The following CTTNBP2 variants were observed in gnomAD, a reference collection of about 807,000 sequenced individuals.
The protein encoded by CTTNBP2 is cortactin-binding protein 2.
Under a neutral mutation model 156.9 loss-of-function variants are expected in CTTNBP2, and 108 were observed. The observed-to-expected ratio is 0.69, with a 90% CI of 0.59 to 0.81. The LOEUF (loss-of-function observed/expected upper bound fraction) is 0.81, where lower values mean the gene tolerates loss of function less well. Among genes scored for constraint, CTTNBP2 ranks in the 30% least tolerant of loss-of-function variants. The pLI is 0.00. For synonymous variants in CTTNBP2, 767 were observed against 751.8 expected (o/e 1.02, Z -0.33); for missense variants, 1,924 against 2,035.4 (o/e 0.95, Z 1.05).
intron 2 of CTTNBP2, among the ~76,000 whole-genome samples, chr7:117,859,402 T>C (rs966643378): frequency 1.3e-5 from 2 of 152,198 alleles, no homozygotes; most frequent in East Asian, 1.9e-4. Context: ...AGGTGATACA[T>C]AAAAACACAG....
intron 2 of CTTNBP2, among the ~76,000 whole-genome samples, chr7:117,844,051 A>G (rs1369584962): frequency 3.9e-5 from 3 of 77,640 alleles, no homozygotes; most frequent in Non-Finnish European, 7.2e-5. Context: ...GCAGAAACGA[A>G]GAGAGAGAGA....
At position 117,861,211 on chromosome 7, in the gene CTTNBP2, G is replaced by A. The variant is rs752206807; in HGVS notation, c.187C>T (p.Arg63Trp). The stretch of plus-strand genomic sequence containing the variant: ...ACCCACTCCTGTGTCGTCCTTACCC[G>A]CAGGGCCTCGATGACAAGGTCTCTG... ...EARDLVIEAL[R>W]ARRKEVFIQE... Residue 63 changes from arginine (R) to tryptophan (W), a missense_variant and splice_region_variant, in exon 2 of 23, where the codon CGG (arginine) becomes TGG (tryptophan). By Grantham distance (101) the Arg-to-Trp change is moderately radical. Coordinates refer to ENST00000160373, the MANE Select transcript of CTTNBP2 (RefSeq NM_033427.3). 18 of 1,604,710 alleles carry A rather than the reference G, an allele frequency of 1.1e-5. No homozygotes were observed. Among genetic ancestry groups the A allele is most frequent in the Admixed American group, 3.3e-5 (2 of 59,816 alleles).
chr7:117,865,194 G>A (rs1244931021), intron 1 of CTTNBP2, among the ~76,000 whole-genome samples: 4 of 151,542 alleles, frequency 2.6e-5, no homozygotes, highest in Non-Finnish European at 4.4e-5. Context: ...AAAAAATTAA[G>A]GTCTCTATCA....
intron 2 of CTTNBP2, among the ~76,000 whole-genome samples, chr7:117,827,913 G>A (rs371075523): frequency 1.3e-4 from 20 of 152,290 alleles, no homozygotes; most frequent in South Asian, 6.2e-4. Flanking sequence ...CATTAAGAGC[G>A]AATGGTGGGG....
intron 21 of CTTNBP2, among the ~76,000 whole-genome samples, chr7:117,718,573 T>C (rs1794596286): frequency 6.6e-6 from 1 of 152,202 alleles, no homozygotes; most frequent in African/African-American, 2.4e-5. Context: ...CAGCCACTCA[T>C]AAGGCATCTA....
At chr7:117,752,324 T>G (rs1263179519) in intron 12 of CTTNBP2, among the ~76,000 whole-genome samples, 1 of 152,132 alleles carries the variant, frequency 6.6e-6, no homozygotes, top group Non-Finnish European at 1.5e-5. Context: ...TTTTCTAATA[T>G]CATAATTACT....
chr7:117,830,162 CTTAATT>C (rs1164684474), intron 2 of CTTNBP2, among the ~76,000 whole-genome samples: 3 of 152,158 alleles, frequency 2.0e-5, no homozygotes, highest in Non-Finnish European at 2.9e-5. Context: ...TGGCAACAGT[CTTAATT>C]TTATTTCCAT....
At chr7:117,757,799 ATT>A in intron 11 of CTTNBP2, 74 bp downstream of exon 11, 1 of 909,554 alleles carries the variant, frequency 1.1e-6, no homozygotes, top group Non-Finnish European at 1.7e-6. Context: ...AAACGTGAAG[ATT>A]TAAGAACTGG....
intron 2 of CTTNBP2, among the ~76,000 whole-genome samples, chr7:117,814,701 T>C (rs991219397): frequency 2.0e-5 from 3 of 152,222 alleles, no homozygotes; most frequent in African/African-American, 7.2e-5. Context: ...GTACTGGGAT[T>C]ACAGGAGTGA....
At chr7:117,865,418 T>C (rs1383944282) in intron 1 of CTTNBP2, among the ~76,000 whole-genome samples, 1 of 151,622 alleles carries the variant, frequency 6.6e-6, no homozygotes, top group Non-Finnish European at 1.5e-5. Context: ...CCTAGCACTT[T>C]GGGAGGCCAA....
chr7:117,727,568 C>T (rs1223508560), intron 17 of CTTNBP2, among the ~76,000 whole-genome samples: 1 of 152,208 alleles, frequency 6.6e-6, no homozygotes, highest in Admixed American at 6.5e-5. Context: ...AGAATCAAAT[C>T]TGCTTGCTGG....
chr7:117,721,024 T>A (rs1433010560), intron 20 of CTTNBP2, 43 bp downstream of exon 20: 1 of 1,187,742 alleles, frequency 8.4e-7, no homozygotes, highest in Non-Finnish European at 1.3e-6. Flanking sequence ...GTTACTTGAT[T>A]TATCTTTGTT....
intron 1 of CTTNBP2, among the ~76,000 whole-genome samples, chr7:117,865,671 C>CAAA (rs61533705): frequency 0.17 from 12,826 of 74,026 alleles, 991 homozygotes; most frequent in East Asian, 0.38. Context: ...ACTCCATCTC[C>CAAA]AAAAAAAAAA....
At chr7:117,719,741 G>A (rs1794675753) in intron 20 of CTTNBP2, 105 bp from the exon 21 acceptor site, 2 of 817,666 alleles carry the variant, frequency 2.4e-6, no homozygotes. Flanking sequence ...TAGGGAAAAT[G>A]TTTTTAATAG....
rs150313079 is a variant in CTTNBP2 at position 117,724,010 on chromosome 7, A to G, written c.4447+537T>C. 2.8e-3 allele frequency among the ~76,000 whole-genome samples: 425 copies of G among 152,182 alleles called. 2 individuals are homozygous for G. The highest frequency in any genetic ancestry group is 9.7e-3 in the African/African-American group (404 of 41,512). ...CTCTCTCAGTTCTGGGATTACAGGT[A>G]TGAGCCACCATGCCTGGCCGGAATA... On this transcript the variant is annotated intron_variant, in intron 19 of 22. Transcript: ENST00000160373.
chr7:117,847,040 T>C (rs969296712), intron 2 of CTTNBP2, among the ~76,000 whole-genome samples: 13 of 152,020 alleles, frequency 8.6e-5, no homozygotes, highest in Non-Finnish European at 1.6e-4. Flanking sequence ...GAAAGAGCAA[T>C]GATGCCCTGC....
intron 20 of CTTNBP2, 115 bp from the exon 21 acceptor site, chr7:117,719,751 G>A (rs1794676864): frequency 1.3e-6 from 1 of 741,760 alleles, no homozygotes; most frequent in Non-Finnish European, 2.1e-6. Flanking sequence ...GTTTTTAATA[G>A]CCTTTAAAGT....
chr7:117,831,608 G>A (rs187849128), intron 2 of CTTNBP2, among the ~76,000 whole-genome samples: 22 of 152,182 alleles, frequency 1.4e-4, no homozygotes, highest in Admixed American at 1.4e-3. Context: ...TTGAAAGACT[G>A]TATACATTTG....
intron 14 of CTTNBP2, among the ~76,000 whole-genome samples, chr7:117,735,792 A>C (rs1354956240): frequency 1.3e-5 from 2 of 152,240 alleles, no homozygotes; most frequent in Non-Finnish European, 2.9e-5. Flanking sequence ...AAATCATAAA[A>C]GATTATATAC....
Sources: gnomAD v4.1 joint callset for allele counts (sites outside exome capture counted in the v4.1 genomes callset) on GRCh38, gnomAD v4.1.1 for gene constraint, MANE v1.5 for transcripts, NCBI Gene and HGNC (gene_info 2026-07-23, HGNC 2026-07-21) for gene names.